CTTNBP2: variants seen among roughly 807,000 people sequenced by gnomAD.
CTTNBP2 encodes the protein cortactin-binding protein 2.
A neutral mutation model predicts 156.9 loss-of-function variants in CTTNBP2; 108 were observed. The observed-to-expected ratio is 0.69, with a 90% CI of 0.59 to 0.81. The LOEUF (loss-of-function observed/expected upper bound fraction) is 0.81, where lower values mean the gene tolerates loss of function less well. Among genes scored for constraint, CTTNBP2 ranks in the 30% least tolerant of loss-of-function variants. CTTNBP2 has a pLI of 0.00. For missense variants in CTTNBP2, 1,924 were observed against 2,035.4 expected (o/e 0.95, Z 1.05); for synonymous variants, 767 against 751.8 (o/e 1.02, Z -0.33).
At chr7:117,831,535 T>A (rs1442024143) in intron 2 of CTTNBP2, among the ~76,000 whole-genome samples, 2 of 152,252 alleles carry the variant, frequency 1.3e-5, no homozygotes, top group African/African-American at 4.8e-5. Flanking sequence ...TTCTCAATAC[T>A]GTGAGCTTGG....
intron 9 of CTTNBP2, among the ~76,000 whole-genome samples, chr7:117,765,554 T>C (rs1179812078): frequency 6.6e-6 from 1 of 152,164 alleles, no homozygotes; most frequent in Non-Finnish European, 1.5e-5. Flanking sequence ...CCACAGGATG[T>C]ACATCTGCAA....
chr7:117,825,517 A>G (rs1218048447), intron 2 of CTTNBP2, among the ~76,000 whole-genome samples: 1 of 152,192 alleles, frequency 6.6e-6, no homozygotes, highest in Non-Finnish European at 1.5e-5. Context: ...GTCAGTTCTC[A>G]TTTATCCTTC....
chr7:117,719,582 CAGAG>C lies in CTTNBP2; in HGVS notation c.4562_4565del (p.Ser1521TrpfsTer35). 6.2e-7 allele frequency: 1 copy of C among 1,613,740 alleles called. No homozygotes were observed. The highest frequency in any genetic ancestry group is 1.1e-5 in the South Asian group (1 of 91,044). ...CAAGATCTGCTTCGTCATCTGAACC[CAGAG>C]AGAGTCTCTGATCCAAATTCAACGT... is the stretch of plus-strand genomic sequence containing the variant. On this transcript the variant is annotated frameshift_variant, in exon 21 of 23. Transcript: ENST00000160373. LOFTEE classifies it high-confidence loss of function.
intron 2 of CTTNBP2, among the ~76,000 whole-genome samples, chr7:117,819,080 A>C (rs1800789932): frequency 6.6e-6 from 1 of 152,234 alleles, no homozygotes; most frequent in Non-Finnish European, 1.5e-5. Flanking sequence ...AAAAGGATAG[A>C]AAATACATAG....
In CTTNBP2 at chr7:117,718,073, T is replaced by C. The variant is rs1285973197; in HGVS notation, c.4691A>G (p.Asn1564Ser). ...AATAGTTGCTGAAAGTACAGGGTTG[T>C]TTCCAGAACTATCAAACATCCTTAA... ...DDLRMFDSSGNNPVLSATINN... is the reference protein window; with the variant it reads ...DDLRMFDSSGSNPVLSATINN... Residue 1564 changes from asparagine (N) to serine (S), a missense_variant, in exon 22 of 23, where the codon AAC becomes AGC. By Grantham distance (46) the Asn-to-Ser change is conservative. Transcript: ENST00000160373. The C allele has an allele frequency of 1.2e-6, 2 of 1,613,540 alleles. No individual in the cohort carries two copies. The highest frequency in any genetic ancestry group is 2.7e-5 in the African/African-American group (2 of 74,922).
chr7:117,855,240 G>A (rs17140462), intron 2 of CTTNBP2, among the ~76,000 whole-genome samples: 26,027 of 151,620 alleles, frequency 0.17, 2,761 homozygotes, highest in South Asian at 0.37. Context: ...ATAAATAGAG[G>A]GACCTCATCC....
intron 14 of CTTNBP2, among the ~76,000 whole-genome samples, chr7:117,744,527 T>C (rs1796207415): frequency 6.6e-6 from 1 of 152,202 alleles, no homozygotes; most frequent in South Asian, 2.1e-4. Flanking sequence ...TTCTTTTTTT[T>C]ATGGTCGAAT....
intron 2 of CTTNBP2, among the ~76,000 whole-genome samples, chr7:117,826,701 CAA>C (rs1204592636): frequency 1.3e-5 from 2 of 151,312 alleles, no homozygotes; most frequent in African/African-American, 2.4e-5. Context: ...TAAAACTTAT[CAA>C]AGTTTGTGAT....
intron 2 of CTTNBP2, among the ~76,000 whole-genome samples, chr7:117,841,085 A>AT (rs1802242401): frequency 1.3e-5 from 2 of 152,370 alleles, no homozygotes; most frequent in East Asian, 3.9e-4. Flanking sequence ...CTTAAACAAC[A>AT]TATTTATGGG....
chr7:117,734,286 A>C (rs935828382), intron 16 of CTTNBP2, among the ~76,000 whole-genome samples: 1 of 152,252 alleles, frequency 6.6e-6, no homozygotes, highest in African/African-American at 2.4e-5. Flanking sequence ...ATTGTGCAGG[A>C]TTAAATGAGA....
At chr7:117,846,798 T>C (rs1266880867) in intron 2 of CTTNBP2, among the ~76,000 whole-genome samples, 1 of 152,090 alleles carries the variant, frequency 6.6e-6, no homozygotes, top group African/African-American at 2.4e-5. Flanking sequence ...GTATCAAGAT[T>C]TAAAAACTGG....
At chr7:117,849,127 TA>T (rs1392200428) in intron 2 of CTTNBP2, among the ~76,000 whole-genome samples, 2 of 152,182 alleles carry the variant, frequency 1.3e-5, no homozygotes, top group East Asian at 3.9e-4. Flanking sequence ...AGAAAAAGAC[TA>T]GACAAATTTA....
In CTTNBP2 at chr7:117,754,198, G is replaced by A. The variant is rs932831993; in HGVS notation, c.3348+2357C>T. 3.9e-5 allele frequency among the ~76,000 whole-genome samples: 6 copies of A among 152,228 alleles called. No individual in the cohort carries two copies. The South Asian group carries it at 8.3e-4, about 21-fold the overall frequency. ...GTACCTCAAACACCCTCCACAAGGC[G>A]ACTCTCTTCATTTCATTTGTTTTTC... On this transcript the variant is annotated intron_variant, in intron 12 of 22. Coordinates refer to ENST00000160373, the MANE Select transcript of CTTNBP2 (RefSeq NM_033427.3).
chr7:117,791,931 G>A lies in CTTNBP2; in HGVS notation c.1265C>T (p.Ala422Val), dbSNP rs1368521184. The change falls in exon 4 of 23, where the codon GCT (alanine) becomes GTT (valine). Residue 422 changes from alanine (A) to valine (V), a missense_variant. Ala to Val is a moderately conservative substitution (Grantham distance 64). Coordinates refer to ENST00000160373, the MANE Select transcript of CTTNBP2 (RefSeq NM_033427.3). ...TPGIAPQNSQ[A>V]PPMHSLHSPC... ...TGAATGTAAACTGTGCATAGGTGGA[G>A]CTTGCGAGTTCTGAGGAGCTATGCC... 1.2e-6 allele frequency: 2 copies of A among 1,614,190 alleles called. No individual in the cohort carries two copies. The highest frequency in any genetic ancestry group is 1.7e-6 in the Non-Finnish European group (2 of 1,180,020).
chr7:117,753,322 A>G (rs1584946599), intron 12 of CTTNBP2, among the ~76,000 whole-genome samples: 1 of 152,198 alleles, frequency 6.6e-6, no homozygotes, highest in Admixed American at 6.5e-5. Context: ...AATTAATCCA[A>G]CCACTGTGGA....
intron 7 of CTTNBP2, among the ~76,000 whole-genome samples, chr7:117,779,532 AAATT>A (rs140927467): frequency 0.043 from 6,529 of 152,092 alleles, 444 homozygotes; most frequent in African/African-American, 0.15. Flanking sequence ...CTGTGATACA[AAATT>A]AATTCATTTT....
chr7:117,728,578 G>C (rs573407619), intron 16 of CTTNBP2, among the ~76,000 whole-genome samples: 1 of 152,246 alleles, frequency 6.6e-6, no homozygotes, highest in South Asian at 2.1e-4. Flanking sequence ...GGTAATAGTG[G>C]CAAAGCCAGG....
chr7:117,716,759 G>A (rs978547041), intron 22 of CTTNBP2, among the ~76,000 whole-genome samples: 10 of 152,270 alleles, frequency 6.6e-5, no homozygotes, highest in South Asian at 6.2e-4. Flanking sequence ...GCCCCCAGCC[G>A]TGTAAATTCC....
At chr7:117,805,775 G>A (rs538572604) in intron 3 of CTTNBP2, among the ~76,000 whole-genome samples, 2 of 152,182 alleles carry the variant, frequency 1.3e-5, no homozygotes, top group African/African-American at 2.4e-5. Context: ...AGCAGTGAAT[G>A]TGCACTTGTT....
Sources: allele counts gnomAD v4.1 joint callset (sites outside exome capture counted in the v4.1 genomes callset), GRCh38; gene constraint gnomAD v4.1.1; transcripts MANE v1.5; gene names NCBI Gene and HGNC (gene_info 2026-07-23, HGNC 2026-07-21).